The following PIBF1 variants were observed in gnomAD, a reference collection of about 807,000 sequenced individuals.
PIBF1 encodes progesterone-induced-blocking factor 1.
PIBF1 carries 90 observed loss-of-function variants against 112.5 expected under a neutral mutation model. The ratio of observed to expected loss-of-function variants is 0.80; its 90% CI spans 0.67 to 0.95. The LOEUF (loss-of-function observed/expected upper bound fraction) is 0.95, where lower values mean the gene tolerates loss of function less well. Ranked by LOEUF, PIBF1 falls within the 40% of genes least tolerant of loss-of-function variation. PIBF1 has a pLI of 0.00. For missense variants in PIBF1, 915 were observed against 852.3 expected, an observed-to-expected ratio of 1.07 and a Z score of -0.92; for synonymous variants, 301 against 288.6, an observed-to-expected ratio of 1.04 and a Z score of -0.44.
At chr13:72,844,756 C>CACACACATGAAGTCTTACTGTTT (rs2037772449) in intron 9 of PIBF1, among the ~76,000 whole-genome samples, 1 of 115,198 alleles carries the variant, frequency 8.7e-6, no homozygotes, top group Non-Finnish European at 1.9e-5. Context: ...CACACACACA[C>CACACACATGAAGTCTTACTGTTT]ACACACACAC....
intron 14 of PIBF1, among the ~76,000 whole-genome samples, chr13:72,933,985 T>C (rs1298663736): frequency 6.6e-6 from 1 of 152,222 alleles, no homozygotes; most frequent in African/African-American, 2.4e-5. Flanking sequence ...AGTAGTGAGT[T>C]CTGGACTTTT....
intron 5 of PIBF1, among the ~76,000 whole-genome samples, chr13:72,799,584 C>T (rs1052724251): frequency 6.6e-6 from 1 of 152,160 alleles, no homozygotes; most frequent in Non-Finnish European, 1.5e-5. Flanking sequence ...AAAAATTCAA[C>T]TGTAGTCAAA....
At chr13:72,799,018 A>C (rs1458439641) in intron 5 of PIBF1, among the ~76,000 whole-genome samples, 1 of 152,230 alleles carries the variant, frequency 6.6e-6, no homozygotes, top group African/African-American at 2.4e-5. Flanking sequence ...CAGTGAACCC[A>C]AGAGAGGCAA....
chr13:72,843,320 G>A (rs1197153310), intron 9 of PIBF1, among the ~76,000 whole-genome samples: 1 of 152,214 alleles, frequency 6.6e-6, no homozygotes, highest in Non-Finnish European at 1.5e-5. Context: ...GCAAGATCTG[G>A]TGATTGACAG....
chr13:72,786,076 G>A (rs565021714), intron 2 of PIBF1, among the ~76,000 whole-genome samples: 8 of 152,186 alleles, frequency 5.3e-5, no homozygotes, highest in Admixed American at 1.3e-4. Flanking sequence ...TATTTATTCC[G>A]TGGAATTATC....
At position 72,998,837 on chromosome 13, in the gene PIBF1, A is replaced by C. The variant is rs764935162; in HGVS notation, c.2065A>C (p.Lys689Gln). ...LNHREELAAM[K>Q]QILVKMHSKH... ...ATATCAACAGGAATTGGCAGCAATG[A>C]AACAGATTCTCGTTAAGATGCATAG... The change falls in exon 17 of 18, where the codon AAA becomes CAA. Residue 689 changes from lysine to glutamine, a missense_variant. By Grantham distance (53) the Lys-to-Gln change is moderately conservative. Transcript: ENST00000326291. 2 of 1,611,728 alleles carry C rather than the reference A, an allele frequency of 1.2e-6. No homozygotes were observed. The highest frequency in any genetic ancestry group is 1.7e-5 in the Admixed American group (1 of 59,692).
chr13:72,807,861 A>G (rs2035814203), intron 5 of PIBF1, among the ~76,000 whole-genome samples: 1 of 152,230 alleles, frequency 6.6e-6, no homozygotes, highest in Non-Finnish European at 1.5e-5. Context: ...TGAATTTCAC[A>G]ATGACACCAG....
chr13:72,887,569 G>T (rs1010028463), intron 10 of PIBF1, among the ~76,000 whole-genome samples: 4 of 151,862 alleles, frequency 2.6e-5, no homozygotes, highest in Non-Finnish European at 5.9e-5. Context: ...ACTTTGTTTT[G>T]AGAAGTAAAG....
At chr13:72,909,561 C>G (rs1489478165) in intron 12 of PIBF1, among the ~76,000 whole-genome samples, 2 of 149,380 alleles carry the variant, frequency 1.3e-5, no homozygotes, top group Non-Finnish European at 3.0e-5. Context: ...ACGGTGTGAT[C>G]TCAGCTCACC....
chr13:72,804,817 T>C (rs2035643325), intron 5 of PIBF1, among the ~76,000 whole-genome samples: 1 of 152,212 alleles, frequency 6.6e-6, no homozygotes, highest in Non-Finnish European at 1.5e-5. Context: ...TGAAAATATA[T>C]CCAGTAAAAG....
intron 10 of PIBF1, among the ~76,000 whole-genome samples, chr13:72,854,541 C>T (rs2038323956): frequency 6.6e-6 from 1 of 152,130 alleles, no homozygotes; most frequent in Non-Finnish European, 1.5e-5. Flanking sequence ...TGTCCAGGTT[C>T]TTTCATTCCA....
intron 12 of PIBF1, among the ~76,000 whole-genome samples, chr13:72,911,418 T>TA (rs59368776): frequency 2.0e-5 from 3 of 151,562 alleles, no homozygotes; most frequent in Non-Finnish European, 4.4e-5. Context: ...TAAATGGTGC[T>TA]AAAAAAAAAT....
chr13:72,882,305 G>A (rs550812622), intron 10 of PIBF1, among the ~76,000 whole-genome samples: 34 of 152,280 alleles, frequency 2.2e-4, no homozygotes, highest in African/African-American at 8.2e-4. Flanking sequence ...ATGGGTTAAA[G>A]ACTTAAATCT....
chr13:72,987,850 ATTTATTTATTTT>A (rs1478792809), intron 16 of PIBF1, among the ~76,000 whole-genome samples: 9 of 66,438 alleles, frequency 1.4e-4, no homozygotes, highest in Admixed American at 2.1e-4. Context: ...TTATTTATTT[ATTTATTTATTTT>A]TTTTTTTTTT....
chr13:72,966,941 CTTT>C (rs547336254), intron 15 of PIBF1, among the ~76,000 whole-genome samples: 1 of 144,236 alleles, frequency 6.9e-6, no homozygotes. Context: ...AATTTTGAAT[CTTT>C]TTTTTTTTTT....
chr13:72,903,272 C>T (rs930267608), intron 11 of PIBF1, among the ~76,000 whole-genome samples: 1 of 152,110 alleles, frequency 6.6e-6, no homozygotes, highest in Admixed American at 6.6e-5. Context: ...CATTCTCCCC[C>T]CCTAGACTAA....
At chr13:72,867,942 T>C (rs187928696) in intron 10 of PIBF1, among the ~76,000 whole-genome samples, 1 of 152,348 alleles carries the variant, frequency 6.6e-6, no homozygotes, top group African/African-American at 2.4e-5. Context: ...CTGCATGTAA[T>C]GATGCCTATG....
chr13:72,986,518 T>C (rs1212724064), intron 16 of PIBF1, among the ~76,000 whole-genome samples: 1 of 152,144 alleles, frequency 6.6e-6, no homozygotes, highest in African/African-American at 2.4e-5. Flanking sequence ...CCTAAGATCA[T>C]ATCCATGATT....
chr13:72,914,013 A>T (rs1469824477), intron 12 of PIBF1, among the ~76,000 whole-genome samples: 2 of 152,216 alleles, frequency 1.3e-5, no homozygotes, highest in Non-Finnish European at 2.9e-5. Flanking sequence ...TTATCGATTA[A>T]CTAAAATTTC....
Sources: gnomAD v4.1 joint callset for allele counts (sites outside exome capture counted in the v4.1 genomes callset) on GRCh38, gnomAD v4.1.1 for gene constraint, MANE v1.5 for transcripts, NCBI Gene and HGNC (gene_info 2026-07-23, HGNC 2026-07-21) for gene names.